The following CPNE4 variants were observed in gnomAD, a reference collection of about 807,000 sequenced individuals.
CPNE4 encodes the protein copine 4.
CPNE4 carries 25 observed loss-of-function variants against 67.9 expected under a neutral mutation model. That is an observed-to-expected ratio of 0.37 (90% confidence interval 0.27 to 0.51). The LOEUF is 0.51. Among genes scored for constraint, CPNE4 ranks in the 20% least tolerant of loss-of-function variants. The probability of loss-of-function intolerance (pLI) is 0.93; values close to 1 mark genes in which losing one functional copy is unlikely to be tolerated. For synonymous variants in CPNE4, 242 were observed against 244.9 expected, an observed-to-expected ratio of 0.99 and a Z score of 0.11; for missense variants, 464 against 690.8, an observed-to-expected ratio of 0.67 and a Z score of 3.68.
chr3:131,968,098 GC>G (rs2107939303), intron 1 of CPNE4, among the ~76,000 whole-genome samples: 1 of 152,240 alleles, frequency 6.6e-6, no homozygotes, highest in South Asian at 2.1e-4. Context: ...ACAAAAACAA[GC>G]AATGGGCAAA....
At chr3:131,745,418 T>A (rs1350424771) in intron 2 of CPNE4, among the ~76,000 whole-genome samples, 1 of 152,134 alleles carries the variant, frequency 6.6e-6, no homozygotes, top group African/African-American at 2.4e-5. Context: ...AGCTTTACAT[T>A]TTGAGAAATT....
rs1939103189 is a variant in CPNE4 at position 131,599,835 on chromosome 3, G to A, written c.682-12253C>T. ...AGTCTGGTGACAATTACTCAGGTTT[G>A]TCCCCAGGCTCTGTCTCCACAGACT... On this transcript the variant is annotated intron_variant, in intron 7 of 15. Coordinates refer to ENST00000429747, the MANE Select transcript of CPNE4 (RefSeq NM_130808.3). 3.3e-5 allele frequency among the ~76,000 whole-genome samples: 5 copies of A among 152,332 alleles called. 1 individual carries two copies. The South Asian group carries it at 1.0e-3, about 32-fold the overall frequency.
chr3:131,996,552 C>A (rs1212431386), intron 1 of CPNE4, among the ~76,000 whole-genome samples: 7 of 151,658 alleles, frequency 4.6e-5, no homozygotes, highest in African/African-American at 1.7e-4. Context: ...ATCCTCACAC[C>A]ACCAAGCCTA....
intron 2 of CPNE4, among the ~76,000 whole-genome samples, chr3:131,885,855 C>T (rs144157424): frequency 9.7e-4 from 147 of 152,266 alleles, no homozygotes; most frequent in African/African-American, 3.5e-3. Context: ...TTCTAAGCAG[C>T]AAAGCATTCA....
At chr3:131,559,268 T>C (rs1936630465) in intron 11 of CPNE4, among the ~76,000 whole-genome samples, 1 of 152,060 alleles carries the variant, frequency 6.6e-6, no homozygotes. Flanking sequence ...GTAATACTGC[T>C]AGACAAGTTA....
At position 131,962,242 on chromosome 3, in the gene CPNE4, T is replaced by G. The variant is rs1469829320; in HGVS notation, c.-1-56798A>C. On this transcript the variant is annotated intron_variant, in intron 1 of 15. Transcript: ENST00000429747. The stretch of plus-strand genomic sequence containing the variant: ...ATCTATTTCCTCGATGCCTAACAAG[T>G]GCCTACTATTCAGCAGGTGCTAAGT... Among the ~76,000 whole-genome samples, 3 of 152,248 alleles carry G rather than the reference T, an allele frequency of 2.0e-5. No individual in the cohort carries two copies. In the East Asian group the frequency reaches 5.8e-4, roughly 29 times the overall value.
intron 3 of CPNE4, among the ~76,000 whole-genome samples, chr3:131,708,957 G>GATTATATATATATAT (rs1472179364): frequency 1.5e-5 from 1 of 65,800 alleles, no homozygotes; most frequent in African/African-American, 4.6e-5. Context: ...AGGGCATAAA[G>GATTATATATATATAT]ATATATATAT....
intron 2 of CPNE4, among the ~76,000 whole-genome samples, chr3:131,830,843 A>T (rs914187230): frequency 2.6e-5 from 4 of 152,178 alleles, no homozygotes; most frequent in Non-Finnish European, 5.9e-5. Context: ...TTTATTGAAG[A>T]AGTCAATAAA....
intron 2 of CPNE4, among the ~76,000 whole-genome samples, chr3:131,781,229 T>C (rs1178282908): frequency 6.6e-6 from 1 of 152,010 alleles, no homozygotes; most frequent in African/African-American, 2.4e-5. Flanking sequence ...GCGAAGACAT[T>C]TCCCCTGGTA....
chr3:131,654,289 G>A (rs1421599289), intron 7 of CPNE4, among the ~76,000 whole-genome samples: 1 of 152,022 alleles, frequency 6.6e-6, no homozygotes, highest in African/African-American at 2.4e-5. Context: ...GGGTATGGGT[G>A]TGTTGTTATA....
chr3:131,723,433 T>C lies in CPNE4; in HGVS notation c.360+13A>G. The C allele has an allele frequency of 6.2e-7, 1 of 1,610,016 alleles. No individual in the cohort carries two copies. Among genetic ancestry groups the C allele is most frequent in the South Asian group, 1.1e-5 (1 of 90,798 alleles). On this transcript the variant is annotated intron_variant, in intron 3 of 15. Coordinates refer to ENST00000429747, the MANE Select transcript of CPNE4 (RefSeq NM_130808.3). ...GGATGGCAAGGAGGAGGAAGGGATG[T>C]CTGTTGACCCACCTGGCCAAGTGTG...
At position 131,580,517 on chromosome 3, in the gene CPNE4, A is replaced by T. The variant is rs184329805; in HGVS notation, c.867+1062T>A. On this transcript the variant is annotated intron_variant, in intron 9 of 15. Transcript: ENST00000429747. ...GCACACACACACACAACATGCACAC[A>T]CAACAATCATCTGGATAGCAATTGA... Among the ~76,000 whole-genome samples the T allele has an allele frequency of 2.6e-5, 4 of 152,058 alleles. No individual in the cohort carries two copies. In the East Asian group the frequency reaches 7.8e-4, roughly 30 times the overall value.
intron 7 of CPNE4, among the ~76,000 whole-genome samples, chr3:131,653,231 C>T (rs543196904): frequency 6.6e-5 from 10 of 150,766 alleles, no homozygotes; most frequent in South Asian, 2.1e-4. Context: ...CTGCAAGCTC[C>T]GCCTCCCGGT....
intron 1 of CPNE4, among the ~76,000 whole-genome samples, chr3:131,998,684 C>A (rs1386735284): frequency 6.6e-6 from 1 of 150,912 alleles, no homozygotes; most frequent in Non-Finnish European, 1.5e-5. Flanking sequence ...TCATAGTGGG[C>A]ATTTACTAGT....
At chr3:131,674,925 A>G (rs1269756428) in intron 6 of CPNE4, among the ~76,000 whole-genome samples, 2 of 151,790 alleles carry the variant, frequency 1.3e-5, no homozygotes, top group East Asian at 1.9e-4. Flanking sequence ...AAACTTATCT[A>G]CTTGTCTGAT....
At chr3:131,819,600 A>G (rs2084886026) in intron 2 of CPNE4, among the ~76,000 whole-genome samples, 1 of 152,126 alleles carries the variant, frequency 6.6e-6, no homozygotes, top group South Asian at 2.1e-4. Flanking sequence ...GAGAAGTAGT[A>G]ATTAATTCAG....
intron 2 of CPNE4, among the ~76,000 whole-genome samples, chr3:131,880,410 G>A (rs1007730360): frequency 2.0e-5 from 3 of 152,096 alleles, no homozygotes; most frequent in Admixed American, 6.6e-5. Flanking sequence ...CACCACCCCC[G>A]GCGGCATATG....
intron 2 of CPNE4, among the ~76,000 whole-genome samples, chr3:131,727,394 A>ACCATCCT (rs1407318001): frequency 5.3e-5 from 8 of 151,996 alleles, no homozygotes; most frequent in African/African-American, 1.7e-4. Context: ...GGAAATCAAG[A>ACCATCCT]CCATCCTGCC....
chr3:131,771,182 G>A (rs1266864296), intron 2 of CPNE4, among the ~76,000 whole-genome samples: 3 of 152,092 alleles, frequency 2.0e-5, no homozygotes, highest in African/African-American at 2.4e-5. Context: ...ATAGATGCTC[G>A]ATCAATAGAT....
Sources: allele counts gnomAD v4.1 joint callset (sites outside exome capture counted in the v4.1 genomes callset), GRCh38; gene constraint gnomAD v4.1.1; transcripts MANE v1.5; gene names NCBI Gene and HGNC (gene_info 2026-07-23, HGNC 2026-07-21).